MORF4L1: variants seen among roughly 807,000 people sequenced by gnomAD.
MORF4L1 encodes the protein mortality factor 4 like 1.
MORF4L1 carries 4 observed loss-of-function variants against 52.9 expected under a neutral mutation model. The observed-to-expected ratio is 0.08, with a 90% CI of 0.04 to 0.17. The LOEUF (loss-of-function observed/expected upper bound fraction) is 0.17, where lower values mean the gene tolerates loss of function less well. MORF4L1 is among the 10% of genes least tolerant of loss of function. The pLI is 1.00. For synonymous variants in MORF4L1, 123 were observed against 134.8 expected (o/e 0.91, Z 0.61); for missense variants, 214 against 390.4 (o/e 0.55, Z 3.81).
At chr15:78,879,569 G>C (rs1222198828) in intron 2 of MORF4L1, among the ~76,000 whole-genome samples, 1 of 152,162 alleles carries the variant, frequency 6.6e-6, no homozygotes, top group Non-Finnish European at 1.5e-5. Flanking sequence ...TTGGATGTAT[G>C]GAGATGGTCA....
At position 78,875,636 on chromosome 15, in the gene MORF4L1, A is replaced by G. The variant is rs1049623157; in HGVS notation, c.41-2577A>G. On this transcript the variant is annotated intron_variant, in intron 1 of 11. Transcript: ENST00000426013. ...ACCCAGTCTCTACTAAAAATACAAA[A>G]ATTAGCAGGGCGTGGTGTTAGGCTC... Among the ~76,000 whole-genome samples the G allele has an allele frequency of 2.6e-5, 4 of 151,798 alleles. No homozygotes were observed. In the East Asian group the frequency reaches 7.8e-4, roughly 30 times the overall value.
intron 11 of MORF4L1, among the ~76,000 whole-genome samples, chr15:78,895,125 T>A (rs2056865455): frequency 6.6e-6 from 1 of 152,200 alleles, no homozygotes; most frequent in Non-Finnish European, 1.5e-5. Flanking sequence ...TGGAGTCTGG[T>A]AGATTGGTGA....
At chr15:78,878,046 C>T (rs971828829) in intron 1 of MORF4L1, 167 bp from the exon 2 acceptor site, 3 of 497,162 alleles carry the variant, frequency 6.0e-6, no homozygotes, top group Non-Finnish European at 1.0e-5. Flanking sequence ...GTGTTTTTGT[C>T]GTAGGGTATA....
At position 78,887,256 on chromosome 15, in the gene MORF4L1, A is replaced by G; in HGVS notation, c.243-13A>G. The G allele has an allele frequency of 6.3e-7, 1 of 1,596,170 alleles. No homozygotes were observed. Among genetic ancestry groups the G allele is most frequent in the African/African-American group, 1.4e-5 (1 of 73,940 alleles). On this transcript the variant is annotated splice_polypyrimidine_tract_variant and intron_variant, in intron 4 of 11. Transcript: ENST00000426013. ...CTCATTTTATGTTGACATTACTGAA[A>G]TTATTTTTGAAGGGAGCAGTATGCA...
Position 78,872,980 on chromosome 15 carries a change from G to T in MORF4L1, c.-38G>T, listed in dbSNP as rs750915265. 1 of 1,548,422 alleles carries T rather than the reference G, an allele frequency of 6.5e-7. No individual in the cohort carries two copies. The highest frequency in any genetic ancestry group is 2.0e-5 in the Admixed American group (1 of 50,486). ...TAGAGAGTAGGGGGCGGTAGTCGGG[G>T]GTGGTGGGAGAAGGAGGAGGCGGCG... On this transcript the variant is annotated 5_prime_UTR_variant, in exon 1 of 12. Coordinates refer to ENST00000426013, the MANE Select transcript of MORF4L1 (RefSeq NM_006791.4).
chr15:78,894,048 C>A lies in MORF4L1; in HGVS notation c.630-10C>A, dbSNP rs375989132. The A allele has an allele frequency of 1.5e-5, 24 of 1,601,240 alleles. No individual in the cohort carries two copies. The African/African-American group carries it at 1.6e-4, about 11-fold the overall frequency. ...TGACCAGTTTTGGAATATTTTTGTT[C>A]ATTTATCAGGGAGTATGCGGTTAAT... is the stretch of plus-strand genomic sequence containing the variant. On this transcript the variant is annotated splice_polypyrimidine_tract_variant and intron_variant, in intron 9 of 11. Transcript: ENST00000426013.
intron 1 of MORF4L1, 169 bp from the exon 2 acceptor site, chr15:78,878,044 G>A: frequency 4.0e-6 from 2 of 496,254 alleles, no homozygotes; most frequent in Non-Finnish European, 7.0e-6. Flanking sequence ...ACGTGTTTTT[G>A]TCGTAGGGTA....
intron 1 of MORF4L1, among the ~76,000 whole-genome samples, chr15:78,875,531 G>A (rs549620897): frequency 2.0e-5 from 3 of 152,320 alleles, no homozygotes; most frequent in Non-Finnish European, 2.9e-5. Context: ...CACTTTGGGA[G>A]GCCGAGGTGG....
intron 9 of MORF4L1, 34 bp downstream of exon 9, chr15:78,893,661 A>G (rs1405712526): frequency 7.1e-7 from 1 of 1,407,144 alleles, no homozygotes; most frequent in Non-Finnish European, 9.8e-7. Context: ...GACACTCAAA[A>G]GACATTTAAA....
chr15:78,878,484 A>G (rs1218553846), intron 2 of MORF4L1, among the ~76,000 whole-genome samples: 2 of 152,168 alleles, frequency 1.3e-5, no homozygotes, highest in Non-Finnish European at 2.9e-5. Context: ...ACTCATCTGG[A>G]AGTAGCATTT....
At chr15:78,877,106 C>T (rs1394459408) in intron 1 of MORF4L1, among the ~76,000 whole-genome samples, 1 of 132,894 alleles carries the variant, frequency 7.5e-6, no homozygotes, top group African/African-American at 2.8e-5. Flanking sequence ...ATCACCACGC[C>T]CGGCTGATTT....
At position 78,878,060 on chromosome 15, in the gene MORF4L1, GAAGTTTGAGCCA is replaced by G. The variant is rs2056529641; in HGVS notation, c.41-148_41-137del. ...CGTGTTTTTGTCGTAGGGTATAGTT[GAAGTTTGAGCCA>G]AAGTGGTGCTCTGTATACCCGTCCT... On this transcript the variant is annotated intron_variant, in intron 1 of 11. Transcript: ENST00000426013. 8 of 575,864 alleles carry G rather than the reference GAAGTTTGAGCCA, an allele frequency of 1.4e-5. No individual in the cohort carries two copies. In the South Asian group the frequency reaches 2.4e-4, roughly 17 times the overall value. 35.7% of individuals were successfully genotyped at this position (575,864 alleles called of 1,614,324 possible).
chr15:78,887,814 T>TG (rs1171032061), intron 5 of MORF4L1, among the ~76,000 whole-genome samples: 1 of 152,212 alleles, frequency 6.6e-6, no homozygotes, highest in East Asian at 1.9e-4. Context: ...GTTTCCCTCT[T>TG]GTTGCCCAGG....
intron 1 of MORF4L1, chr15:78,876,573 A>T (rs1357331896): frequency 6.6e-6 from 3 of 456,002 alleles, no homozygotes; most frequent in South Asian, 4.6e-5. Flanking sequence ...GTAGCAGCCA[A>T]GGGGAGAAAA....
chr15:78,896,108 A>G (rs924352515), intron 11 of MORF4L1, among the ~76,000 whole-genome samples: 1 of 151,928 alleles, frequency 6.6e-6, no homozygotes, highest in Admixed American at 6.6e-5. Flanking sequence ...CCTCCCAAGT[A>G]GCTGGGATTA....
intron 10 of MORF4L1, chr15:78,894,614 C>T (rs1011567733): frequency 9.6e-6 from 5 of 520,460 alleles, no homozygotes; most frequent in South Asian, 5.0e-5. Context: ...TCACCACGTT[C>T]GCCAGGGTGG....
At chr15:78,888,195 T>C (rs2056739857) in intron 5 of MORF4L1, among the ~76,000 whole-genome samples, 1 of 152,204 alleles carries the variant, frequency 6.6e-6, no homozygotes, top group South Asian at 2.1e-4. Context: ...GTGCGGTGGC[T>C]CACACCTGTA....
intron 3 of MORF4L1, among the ~76,000 whole-genome samples, chr15:78,881,997 A>G (rs1432898035): frequency 6.6e-6 from 1 of 152,026 alleles, no homozygotes. Flanking sequence ...AGTTAATTTT[A>G]TTTCTTTGTT....
At position 78,872,955 on chromosome 15, in the gene MORF4L1, TAG is replaced by T. The variant is rs2056394486; in HGVS notation, c.-58_-57del. The T allele has an allele frequency of 1.5e-5, 23 of 1,502,204 alleles. 1 individual carries two copies. In the South Asian group the frequency reaches 2.8e-4, roughly 18 times the overall value. 93.1% of individuals were successfully genotyped at this position (1,502,204 alleles called of 1,614,324 possible). A position where few individuals can be genotyped will look rare whatever the true frequency, so the allele number is the denominator to read the frequency against. ...GCGTCTGACGCGGAGTTGGGTGGGG[TAG>T]AGAGTAGGGGGCGGTAGTCGGGGGT... On this transcript the variant is annotated 5_prime_UTR_variant, in exon 1 of 12. Coordinates refer to ENST00000426013, the MANE Select transcript of MORF4L1 (RefSeq NM_006791.4).
Sources: gnomAD v4.1 joint callset for allele counts (sites outside exome capture counted in the v4.1 genomes callset) on GRCh38, gnomAD v4.1.1 for gene constraint, MANE v1.5 for transcripts, NCBI Gene and HGNC (gene_info 2026-07-23, HGNC 2026-07-21) for gene names.